CALCR: variants seen among roughly 807,000 people sequenced by gnomAD.
CALCR encodes calcitonin receptor.
A neutral mutation model predicts 59.5 loss-of-function variants in CALCR; 47 were observed. That is an observed-to-expected ratio of 0.79 (90% CI 0.63 to 1.01). The LOEUF is 1.01. CALCR is among the 50% of genes least tolerant of loss of function. The pLI, the probability that CALCR is intolerant of heterozygous loss-of-function variation, is 0.00. For synonymous variants in CALCR, 213 were observed against 211.3 expected (o/e 1.01, Z -0.07); for missense variants, 566 against 597.1 (o/e 0.95, Z 0.54).
chr7:93,488,582 G>GCAAAAAAA (rs770479251), intron 2 of CALCR, among the ~76,000 whole-genome samples: 817 of 77,950 alleles, frequency 0.01, 146 homozygotes, highest in East Asian at 0.027. Flanking sequence ...CAAATGGAAA[G>GCAAAAAAA]AAAAAAAAAA....
At chr7:93,528,832 T>G (rs1053035624) in intron 2 of CALCR, among the ~76,000 whole-genome samples, 2 of 152,190 alleles carry the variant, frequency 1.3e-5, no homozygotes, top group African/African-American at 4.8e-5. Context: ...GCTTCTGATG[T>G]ACCCCCATTC....
chr7:93,559,225 C>T (rs1373938877), intron 2 of CALCR, among the ~76,000 whole-genome samples: 1 of 152,022 alleles, frequency 6.6e-6, no homozygotes, highest in Non-Finnish European at 1.5e-5. Flanking sequence ...CTCTTTCTTA[C>T]CCAGATTCAC....
intron 13 of CALCR, among the ~76,000 whole-genome samples, chr7:93,429,805 A>G (rs1426160747): frequency 3.9e-5 from 6 of 152,048 alleles, no homozygotes; most frequent in East Asian, 3.9e-4. Flanking sequence ...TGTCACCACA[A>G]TCTAACAGAC....
chr7:93,460,572 A>C (rs35327442), intron 8 of CALCR, among the ~76,000 whole-genome samples: 1 of 66,516 alleles, frequency 1.5e-5, no homozygotes, highest in Non-Finnish European at 2.5e-5. Context: ...AAAAAAAAAA[A>C]ATATATATAT....
intron 2 of CALCR, among the ~76,000 whole-genome samples, chr7:93,515,981 T>G: frequency 6.6e-6 from 1 of 151,716 alleles, no homozygotes; most frequent in Non-Finnish European, 1.5e-5. Flanking sequence ...ATTAAAAATA[T>G]AAGAAAGCAT....
intron 2 of CALCR, among the ~76,000 whole-genome samples, chr7:93,549,053 AAT>A (rs1263661628): frequency 1.3e-5 from 2 of 152,130 alleles, no homozygotes; most frequent in Non-Finnish European, 2.9e-5. Flanking sequence ...GGGAAATGGA[AAT>A]ATAGTTAAAG....
rs1307551076 is a variant in CALCR at position 93,468,437 on chromosome 7, A to G, written c.521+278T>C. On this transcript the variant is annotated intron_variant, in intron 7 of 13. Coordinates refer to ENST00000426151, the MANE Select transcript of CALCR (RefSeq NM_001742.4). ...GTAAATGGAACCTTTACCATATTACAACAGTATACTTATGGATTCACAGGA... is the reference window on the plus strand; with the variant it reads ...GTAAATGGAACCTTTACCATATTACGACAGTATACTTATGGATTCACAGGA... 1.2e-4 allele frequency among the ~76,000 whole-genome samples: 18 copies of G among 151,834 alleles called. No homozygotes were observed. The Admixed American group carries it at 1.2e-3, about 10-fold the overall frequency.
intron 2 of CALCR, among the ~76,000 whole-genome samples, chr7:93,570,124 T>C (rs1031911715): frequency 1.3e-5 from 2 of 152,160 alleles, no homozygotes; most frequent in Non-Finnish European, 2.9e-5. Context: ...TCTACCTGAC[T>C]TGGATAGGAA....
chr7:93,495,458 A>G (rs747118493), intron 2 of CALCR, among the ~76,000 whole-genome samples: 1 of 151,396 alleles, frequency 6.6e-6, no homozygotes, highest in Non-Finnish European at 1.5e-5. Flanking sequence ...ATGTCAATCT[A>G]TAATTTAGTA....
intron 2 of CALCR, among the ~76,000 whole-genome samples, chr7:93,569,458 T>C (rs1339027685): frequency 6.6e-6 from 1 of 152,140 alleles, no homozygotes; most frequent in African/African-American, 2.4e-5. Context: ...TTTCTTCCCC[T>C]CTTTATCTAG....
At chr7:93,428,420 T>G (rs1322989727) in intron 13 of CALCR, among the ~76,000 whole-genome samples, 1 of 152,244 alleles carries the variant, frequency 6.6e-6, no homozygotes, top group Non-Finnish European at 1.5e-5. Context: ...GCCAGGGTTA[T>G]AATCTAGGAA....
intron 2 of CALCR, among the ~76,000 whole-genome samples, chr7:93,538,333 A>G (rs1187853412): frequency 6.6e-6 from 1 of 151,958 alleles, no homozygotes; most frequent in African/African-American, 2.4e-5. Flanking sequence ...GGGTATTCCT[A>G]GCATTTTTAG....
intron 6 of CALCR, among the ~76,000 whole-genome samples, chr7:93,470,794 C>CT (rs1684130005): frequency 6.7e-6 from 1 of 150,372 alleles, no homozygotes; most frequent in African/African-American, 2.4e-5. Flanking sequence ...AATTATTATA[C>CT]TTTAAGTTTT....
At chr7:93,488,672 G>A (rs917849239) in intron 2 of CALCR, among the ~76,000 whole-genome samples, 14 of 149,006 alleles carry the variant, frequency 9.4e-5, no homozygotes, top group Non-Finnish European at 1.5e-5. Flanking sequence ...AGACAAAGAA[G>A]GCCTTGCATG....
intron 2 of CALCR, among the ~76,000 whole-genome samples, chr7:93,532,779 C>G (rs916015636): frequency 7.3e-6 from 1 of 137,624 alleles, no homozygotes; most frequent in Non-Finnish European, 1.5e-5. Flanking sequence ...AAGAGGACTT[C>G]TGCAGGAATT....
At chr7:93,572,402 T>C (rs1291186022) in intron 2 of CALCR, among the ~76,000 whole-genome samples, 1 of 152,122 alleles carries the variant, frequency 6.6e-6, no homozygotes, top group Admixed American at 6.5e-5. Flanking sequence ...GCAGACCCTT[T>C]CCACAGATAT....
Position 93,459,800 on chromosome 7 carries a change from T to C in CALCR, c.648+1021A>G, listed in dbSNP as rs139554787. ...TATTCTGAACAACTCTCAGGACAAT[T>C]CTGGTAGGAAAAATCCAGAATGGTT... is the stretch of plus-strand genomic sequence containing the variant. On this transcript the variant is annotated intron_variant, in intron 8 of 13. Coordinates refer to ENST00000426151, the MANE Select transcript of CALCR (RefSeq NM_001742.4). Among the ~76,000 whole-genome samples, 390 of 152,236 alleles carry C rather than the reference T, an allele frequency of 2.6e-3. 3 individuals carry two copies. The highest frequency in any genetic ancestry group is 8.3e-3 in the African/African-American group (346 of 41,532).
At chr7:93,535,580 G>C (rs971102821) in intron 2 of CALCR, among the ~76,000 whole-genome samples, 4 of 151,776 alleles carry the variant, frequency 2.6e-5, no homozygotes, top group African/African-American at 7.2e-5. Context: ...CACAGTTTTT[G>C]AATGCGTGAG....
intron 2 of CALCR, among the ~76,000 whole-genome samples, chr7:93,526,765 T>C (rs1801885605): frequency 6.6e-6 from 1 of 152,104 alleles, no homozygotes; most frequent in Non-Finnish European, 1.5e-5. Context: ...TTCATACTTT[T>C]AACTACAAAA....
Sources: allele counts gnomAD v4.1 joint callset (sites outside exome capture counted in the v4.1 genomes callset), GRCh38; gene constraint gnomAD v4.1.1; transcripts MANE v1.5; gene names NCBI Gene and HGNC (gene_info 2026-07-23, HGNC 2026-07-21).